Variants in BLK observed in about 807,000 individuals in gnomAD.
The protein encoded by BLK is BLK proto-oncogene, Src family tyrosine kinase.
Under a neutral mutation model 61.8 loss-of-function variants are expected in BLK, and 64 were observed. The observed-to-expected ratio is 1.03, with a 90% CI of 0.85 to 1.27. The LOEUF (loss-of-function observed/expected upper bound fraction) is 1.27, where lower values mean the gene tolerates loss of function less well. Ranked by LOEUF, BLK falls within the 50% of genes most tolerant of loss-of-function variation. BLK has a pLI of 0.00. For missense variants in BLK, 853 were observed against 660.5 expected (o/e 1.29, Z -3.19); for synonymous variants, 351 against 272.0 (o/e 1.29, Z -2.86).
intron 6 of BLK, among the ~76,000 whole-genome samples, chr8:11,551,213 A>G (rs1800886744): frequency 6.6e-6 from 1 of 152,200 alleles, no homozygotes; most frequent in Non-Finnish European, 1.5e-5. Context: ...GGGCTGCCGT[A>G]ACAAAGTGGC....
chr8:11,540,265 A>C (rs1036628275), intron 1 of BLK, among the ~76,000 whole-genome samples: 4 of 152,152 alleles, frequency 2.6e-5, no homozygotes, highest in African/African-American at 9.7e-5. Flanking sequence ...CATTTTCCTA[A>C]TACCATTTAT....
At chr8:11,541,336 G>A (rs538356361) in intron 1 of BLK, among the ~76,000 whole-genome samples, 1 of 152,182 alleles carries the variant, frequency 6.6e-6, no homozygotes, top group East Asian at 1.9e-4. Flanking sequence ...TAATCAAATA[G>A]TATTTTTCCA....
At chr8:11,550,093 G>T (rs1174207089) in intron 5 of BLK, 66 bp from the exon 6 acceptor site, 2 of 1,389,970 alleles carry the variant, frequency 1.4e-6, no homozygotes, top group Non-Finnish European at 2.0e-6. Flanking sequence ...GCAGGAGGGA[G>T]GCTGTGTGGG....
chr8:11,513,309 G>T (rs1799094104), intron 1 of BLK, among the ~76,000 whole-genome samples: 2 of 152,288 alleles, frequency 1.3e-5, no homozygotes, highest in South Asian at 4.1e-4. Context: ...GCTGATGCTG[G>T]CAGCAATGAA....
At chr8:11,559,701 C>T (rs1801397766) in intron 10 of BLK, 1 of 454,660 alleles carries the variant, frequency 2.2e-6, no homozygotes, top group South Asian at 1.6e-5. Flanking sequence ...CCCCACTTTG[C>T]AGCCAGATGC....
intron 1 of BLK, among the ~76,000 whole-genome samples, chr8:11,535,697 A>G (rs962881858): frequency 2.0e-5 from 3 of 152,182 alleles, no homozygotes; most frequent in African/African-American, 7.2e-5. Context: ...GCCTCGACCT[A>G]TCTTAGCATC....
intron 1 of BLK, among the ~76,000 whole-genome samples, chr8:11,516,362 C>G (rs1231390535): frequency 1.3e-5 from 2 of 152,200 alleles, no homozygotes; most frequent in African/African-American, 2.4e-5. Context: ...ACCCCGAGTC[C>G]TGCACTTGGT....
chr8:11,504,535 G>T (rs1358357550), intron 1 of BLK, among the ~76,000 whole-genome samples: 1 of 152,194 alleles, frequency 6.6e-6, no homozygotes, highest in African/African-American at 2.4e-5. Flanking sequence ...TTCAGAAGCT[G>T]GTTATCCGTG....
intron 1 of BLK, among the ~76,000 whole-genome samples, chr8:11,515,351 C>G (rs1259480315): frequency 2.6e-5 from 4 of 152,140 alleles, no homozygotes; most frequent in Non-Finnish European, 1.5e-5. Flanking sequence ...TGGAAGCCGG[C>G]CTCCTGGGAT....
rs1585392853 is a variant in BLK at position 11,546,194 on chromosome 8, A to G, written c.175+91A>G. 2.7e-6 allele frequency: 4 copies of G among 1,463,190 alleles called. No homozygotes were observed. The East Asian group carries it at 9.1e-5, about 33-fold the overall frequency. The allele number at this position is 1,463,190 out of a possible 1,614,324, so 90.6% of individuals were successfully genotyped here. On this transcript the variant is annotated intron_variant, in intron 3 of 12. Transcript: ENST00000259089. Reference sequence around the variant, plus strand: ...GTTGGAAAAAGGTTGAGTCAGGAGCAGCTTGAGGGCTGGAGAAGAGAAAAC... The same window carrying G: ...GTTGGAAAAAGGTTGAGTCAGGAGCGGCTTGAGGGCTGGAGAAGAGAAAAC...
chr8:11,534,514 G>A (rs1800028865), intron 1 of BLK, among the ~76,000 whole-genome samples: 1 of 152,034 alleles, frequency 6.6e-6, no homozygotes, highest in South Asian at 2.1e-4. Flanking sequence ...CGATAAACAA[G>A]TGTCTGTCTT....
intron 1 of BLK, among the ~76,000 whole-genome samples, chr8:11,530,437 G>A (rs1389345894): frequency 6.6e-6 from 1 of 152,204 alleles, no homozygotes. Flanking sequence ...ATTTCTTAAA[G>A]CAGTCTGAAA....
intron 1 of BLK, among the ~76,000 whole-genome samples, chr8:11,539,069 C>A (rs1201509316): frequency 6.6e-6 from 1 of 151,854 alleles, no homozygotes; most frequent in Non-Finnish European, 1.5e-5. Flanking sequence ...TTTTTTAAGT[C>A]CGCTGGTTTT....
chr8:11,547,073 A>G (rs1023319593), intron 3 of BLK, among the ~76,000 whole-genome samples: 2 of 152,250 alleles, frequency 1.3e-5, no homozygotes, highest in African/African-American at 4.8e-5. Flanking sequence ...GGCCCCACCC[A>G]TTAACCTGCT....
intron 1 of BLK, among the ~76,000 whole-genome samples, chr8:11,503,211 C>T (rs1798634358): frequency 6.6e-6 from 1 of 152,212 alleles, no homozygotes; most frequent in South Asian, 2.1e-4. Context: ...CACGTAGCAT[C>T]TAAAAGGACA....
chr8:11,556,013 A>T lies in BLK; in HGVS notation c.772+529A>T, dbSNP rs1801203406. 1.1e-5 allele frequency: 3 copies of T among 278,776 alleles called. No individual in the cohort carries two copies. In the Admixed American group the frequency reaches 1.4e-4, roughly 13 times the overall value. The allele number at this position is 278,776 out of a possible 1,614,324, so 17.3% of individuals were successfully genotyped here. A position where few individuals can be genotyped will look rare whatever the true frequency, so the allele number is the denominator to read the frequency against. On this transcript the variant is annotated intron_variant, in intron 8 of 12. Transcript: ENST00000259089. ...AACTCGTGTTCCGTTTTATCCCTGG[A>T]TTGGTCCATGAGTCCTCCCTTACCT... is the stretch of plus-strand genomic sequence containing the variant.
At chr8:11,506,552 A>C (rs2117266645) in intron 1 of BLK, among the ~76,000 whole-genome samples, 1 of 152,228 alleles carries the variant, frequency 6.6e-6, no homozygotes, top group African/African-American at 2.4e-5. Context: ...TTGGTGTGCA[A>C]AAACAGAAAA....
At chr8:11,499,541 TGCTGAAG>T (rs1798480506) in intron 1 of BLK, among the ~76,000 whole-genome samples, 1 of 152,188 alleles carries the variant, frequency 6.6e-6, no homozygotes. Context: ...CCGTGGCTTG[TGCTGAAG>T]GCTGCATAAG....
At chr8:11,530,435 A>C (rs1395274629) in intron 1 of BLK, among the ~76,000 whole-genome samples, 1 of 152,242 alleles carries the variant, frequency 6.6e-6, no homozygotes, top group Non-Finnish European at 1.5e-5. Flanking sequence ...CGATTTCTTA[A>C]AGCAGTCTGA....
Sources: allele counts gnomAD v4.1 joint callset (sites outside exome capture counted in the v4.1 genomes callset), GRCh38; gene constraint gnomAD v4.1.1; transcripts MANE v1.5; gene names NCBI Gene and HGNC (gene_info 2026-07-23, HGNC 2026-07-21).